EFEMP1: variants seen among roughly 807,000 people sequenced by gnomAD.
EFEMP1 encodes the protein EGF-like fibulin extracellular matrix protein 1, also known as EGF-containing fibulin-like extracellular matrix protein 1.
In EFEMP1, 18 loss-of-function variants were observed where a neutral mutation model predicts 65.7. That is an observed-to-expected ratio of 0.27 (90% CI 0.19 to 0.41). The LOEUF (loss-of-function observed/expected upper bound fraction) is 0.41, where lower values mean the gene tolerates loss of function less well. EFEMP1 is among the 10% of genes least tolerant of loss of function. The pLI, the probability that EFEMP1 is intolerant of heterozygous loss-of-function variation, is 1.00. For synonymous variants in EFEMP1, 237 were observed against 219.7 expected (o/e 1.08, Z -0.70); for missense variants, 469 against 624.8 (o/e 0.75, Z 2.66).
Position 55,917,790 on chromosome 2 carries a change from T to C in EFEMP1, c.392A>G (p.Gln131Arg). The C allele has an allele frequency of 1.2e-6, 2 of 1,614,200 alleles. No individual in the cohort carries two copies. Among genetic ancestry groups the C allele is most frequent in the South Asian group, 1.1e-5 (1 of 91,086 alleles). Residue 131 changes from glutamine to arginine, a missense_variant, in exon 5 of 12, where the codon CAG becomes CGG. Coordinates refer to ENST00000355426, the MANE Select transcript of EFEMP1 (RefSeq NM_001039348.3). This position sits in a 1 kb window ranked among gnomAD's most constrained non-coding sequence, Gnocchi z 6.3. ...GATGACAAAGTTATTTCGGCCAGTCTGCATTTCAGGGCCTGCGACTGCAGC... is the reference window on the plus strand; with the variant it reads ...GATGACAAAGTTATTTCGGCCAGTCCGCATTTCAGGGCCTGCGACTGCAGC... ...SAAAVAGPEM[Q>R]TGRNNFVIRR...
intron 5 of EFEMP1, among the ~76,000 whole-genome samples, chr2:55,898,813 C>T (rs1398625177): frequency 6.6e-6 from 1 of 152,110 alleles, no homozygotes; most frequent in Non-Finnish European, 1.5e-5. Flanking sequence ...ACAGTACCTG[C>T]CTTGCCTCAA....
At chr2:55,916,991 C>T (rs1259240895) in intron 5 of EFEMP1, among the ~76,000 whole-genome samples, 3 of 152,116 alleles carry the variant, frequency 2.0e-5, no homozygotes, top group Non-Finnish European at 2.9e-5. Context: ...ATAAGTGAAA[C>T]GTCGTCAAAT....
Position 55,922,940 on chromosome 2 carries a change from C to G in EFEMP1, c.-48-1G>C, listed in dbSNP as rs1243155180. ...TCCTTGCACAGCACAGCAAAAATAC[C>G]TGTGAGCCAATATGAATTGCCTTGG... On this transcript the variant is annotated splice_acceptor_variant, in intron 1 of 11. Coordinates refer to ENST00000355426, the MANE Select transcript of EFEMP1 (RefSeq NM_001039348.3). LOFTEE classifies it low-confidence loss of function (5UTR_SPLICE). This position sits in a 1 kb window ranked among gnomAD's most constrained non-coding sequence, Gnocchi z 5.5. The G allele has an allele frequency of 6.9e-5, 70 of 1,021,398 alleles. No homozygotes were observed. The highest frequency in any genetic ancestry group is 8.2e-5 in the Non-Finnish European group (70 of 850,872). The allele number at this position is 1,021,398 out of a possible 1,614,324, so 63.3% of individuals were successfully genotyped here.
chr2:55,909,190 T>C (rs1313934969), intron 5 of EFEMP1, among the ~76,000 whole-genome samples: 5 of 152,170 alleles, frequency 3.3e-5, no homozygotes, highest in Non-Finnish European at 7.4e-5. Context: ...TTTTCAAGGA[T>C]GGTTTAAGTC....
intron 4 of EFEMP1, 79 bp downstream of exon 4, chr2:55,918,140 A>G (rs1670776356): frequency 6.2e-7 from 1 of 1,612,648 alleles, no homozygotes; most frequent in South Asian, 1.1e-5. Context: ...TTGGTATAAC[A>G]CAGACAGGAC....
rs1668889886 is a variant in EFEMP1, at chr2:55,873,237, C to T, written c.1000+1709G>A. 1.3e-5 allele frequency among the ~76,000 whole-genome samples: 2 copies of T among 151,964 alleles called. No individual in the cohort carries two copies. The highest frequency in any genetic ancestry group is 2.1e-4 in the South Asian group (1 of 4,832). On this transcript the variant is annotated intron_variant, in intron 9 of 11. Coordinates refer to ENST00000355426, the MANE Select transcript of EFEMP1 (RefSeq NM_001039348.3). The surrounding 1 kb of genome is among the most constrained non-coding windows in gnomAD (Gnocchi z 4.6). ...GACAAGGCTCAGAAGGAACGATTTC[C>T]GTAGGAGAAAGCAATTGCTTTATAC...
chr2:55,913,539 TAAAC>T (rs992906827), intron 5 of EFEMP1, among the ~76,000 whole-genome samples: 4 of 152,174 alleles, frequency 2.6e-5, no homozygotes, highest in African/African-American at 4.8e-5. Context: ...AAAGTTCAAT[TAAAC>T]AAACAAGTTT....
chr2:55,893,262 C>T lies in EFEMP1; in HGVS notation c.518-11528G>A, dbSNP rs112780135. On this transcript the variant is annotated intron_variant, in intron 5 of 11. Coordinates refer to ENST00000355426, the MANE Select transcript of EFEMP1 (RefSeq NM_001039348.3). ...ATCTTTCTGTAGTTGCTTATGCTAG[C>T]TTTTTTTTACTAGCCTTATTATACC... is the stretch of plus-strand genomic sequence containing the variant. Among the ~76,000 whole-genome samples, 1,194 of 151,984 alleles carry T rather than the reference C, an allele frequency of 7.9e-3. 14 individuals are homozygous for T. Among genetic ancestry groups the T allele is most frequent in the African/African-American group, 0.027 (1,112 of 41,488 alleles).
chr2:55,914,534 A>G (rs1007605733), intron 5 of EFEMP1, among the ~76,000 whole-genome samples: 3 of 152,362 alleles, frequency 2.0e-5, no homozygotes, highest in Non-Finnish European at 4.4e-5. Flanking sequence ...TTTAGAAGCC[A>G]TCTGTGACTG....
chr2:55,901,405 T>C (rs1670026463), intron 5 of EFEMP1, among the ~76,000 whole-genome samples: 1 of 152,176 alleles, frequency 6.6e-6, no homozygotes, highest in Admixed American at 6.5e-5. Context: ...GAATCATTTA[T>C]GAGTGTTTTT....
chr2:55,899,886 T>C (rs1219253669), intron 5 of EFEMP1, among the ~76,000 whole-genome samples: 1 of 152,138 alleles, frequency 6.6e-6, no homozygotes, highest in Admixed American at 6.5e-5. Context: ...GAACAATTTC[T>C]GGGGGGGAAG....
chr2:55,879,381 G>A (rs1669152557), intron 6 of EFEMP1, among the ~76,000 whole-genome samples: 6 of 152,124 alleles, frequency 3.9e-5, no homozygotes, highest in Admixed American at 3.9e-4. Flanking sequence ...TGTATGAATG[G>A]TATTATACTT....
chr2:55,900,397 G>A (rs1296140277), intron 5 of EFEMP1, among the ~76,000 whole-genome samples: 2 of 151,724 alleles, frequency 1.3e-5, no homozygotes, highest in Non-Finnish European at 2.9e-5. Flanking sequence ...ACCTGGCTGT[G>A]AGGCACCCAT....
chr2:55,876,766 A>ATG, intron 7 of EFEMP1, 24 bp from the exon 8 acceptor site: 5 of 1,389,152 alleles, frequency 3.6e-6, no homozygotes, highest in Non-Finnish European at 4.9e-6. Flanking sequence ...TTATATATAT[A>ATG]TATATGTATA....
rs1325594727 is a variant in EFEMP1 at position 55,885,479 on chromosome 2, G to A, written c.518-3745C>T. Among the ~76,000 whole-genome samples the A allele has an allele frequency of 2.0e-5, 3 of 152,210 alleles. No individual in the cohort carries two copies. The highest frequency in any genetic ancestry group is 7.2e-5 in the African/African-American group (3 of 41,462). On this transcript the variant is annotated intron_variant, in intron 5 of 11. Transcript: ENST00000355426. This position sits in a 1 kb window ranked among gnomAD's most constrained non-coding sequence, Gnocchi z 4.3. Reference sequence around the variant, plus strand: ...CTGAACTATGTAGACAGAGCCTAATGTTAACATTACCAAAGAACAAAATAA... The same window carrying A: ...CTGAACTATGTAGACAGAGCCTAATATTAACATTACCAAAGAACAAAATAA...
At chr2:55,900,735 C>A (rs1159651781) in intron 5 of EFEMP1, among the ~76,000 whole-genome samples, 2 of 152,154 alleles carry the variant, frequency 1.3e-5, no homozygotes, top group African/African-American at 2.4e-5. Context: ...ATGTGGCTGG[C>A]AGCTGTCCCT....
chr2:55,894,350 C>T (rs1306616024), intron 5 of EFEMP1, among the ~76,000 whole-genome samples: 1 of 152,026 alleles, frequency 6.6e-6, no homozygotes, highest in African/African-American at 2.4e-5. Context: ...AATTATCGAT[C>T]AGAACTATGA....
In EFEMP1 at chr2:55,873,013, G is replaced by C. The variant is rs905197768; in HGVS notation, c.1001-1890C>G. ...AGAAATTAATACTCTCAAAATATTT[G>C]ATGAGTGTGTGTCTATGTGTATGTG... On this transcript the variant is annotated intron_variant, in intron 9 of 11. Coordinates refer to ENST00000355426, the MANE Select transcript of EFEMP1 (RefSeq NM_001039348.3). The surrounding 1 kb of genome is among the most constrained non-coding windows in gnomAD (Gnocchi z 4.6). Among the ~76,000 whole-genome samples the C allele has an allele frequency of 2.7e-5, 4 of 149,726 alleles. No homozygotes were observed. Among genetic ancestry groups the C allele is most frequent in the African/African-American group, 9.9e-5 (4 of 40,600 alleles).
chr2:55,896,276 G>A (rs371145797), intron 5 of EFEMP1, among the ~76,000 whole-genome samples: 20 of 152,192 alleles, frequency 1.3e-4, no homozygotes, highest in African/African-American at 3.9e-4. Flanking sequence ...GACAAAAAAC[G>A]TGAATGTGTA....
Sources: gnomAD v4.1 joint callset for allele counts (sites outside exome capture counted in the v4.1 genomes callset) on GRCh38, gnomAD v4.1.1 for gene constraint, Gnocchi (gnomAD v3.1) non-coding constraint, MANE v1.5 for transcripts, NCBI Gene and HGNC (gene_info 2026-07-23, HGNC 2026-07-21) for gene names.